The following CACNB2 variants were observed in gnomAD, a reference collection of about 807,000 sequenced individuals.
CACNB2 encodes the protein calcium voltage-gated channel auxiliary subunit beta 2, also known as voltage-dependent L-type calcium channel subunit beta-2.
In CACNB2, 42 loss-of-function variants were observed where a neutral mutation model predicts 73.3. The ratio of observed to expected loss-of-function variants is 0.57; its 90% CI spans 0.45 to 0.74. The LOEUF (loss-of-function observed/expected upper bound fraction) is 0.74. Ranked by LOEUF, CACNB2 falls within the 30% of genes least tolerant of loss-of-function variation. The pLI, the probability that CACNB2 is intolerant of heterozygous loss-of-function variation, is 0.00. For synonymous variants in CACNB2, 348 were observed against 310.3 expected (o/e 1.12, Z -1.28); for missense variants, 940 against 853.0 (o/e 1.10, Z -1.27).
rs779066586 is a variant in CACNB2 at position 18,140,756 on chromosome 10, C to A, written c.20C>A (p.Ser7Tyr). The A allele has an allele frequency of 1.9e-6, 3 of 1,595,038 alleles. No homozygotes were observed. The highest frequency in any genetic ancestry group is 2.6e-6 in the Non-Finnish European group (3 of 1,172,466). Residue 7 changes from serine to tyrosine, a missense_variant, in exon 1 of 14, where the codon TCC becomes TAC. Physicochemically the swap from Ser to Tyr is moderately radical, Grantham distance 144 (BLOSUM62 -2). Coordinates refer to ENST00000324631, the MANE Select transcript of CACNB2 (RefSeq NM_201596.3). MVQRDM[S>Y]KSPPTAAAAV... is the part of the protein sequence containing the mutation. ...TCGCCAATGGTCCAAAGGGACATGTCCAAGTCGCCTCCCACAGCGGCGGCG... is the reference window on the plus strand; with the variant it reads ...TCGCCAATGGTCCAAAGGGACATGTACAAGTCGCCTCCCACAGCGGCGGCG...
At chr10:18,495,559 G>T (rs1589541776) in intron 3 of CACNB2, among the ~76,000 whole-genome samples, 1 of 90,878 alleles carries the variant, frequency 1.1e-5, no homozygotes, top group African/African-American at 4.6e-5. Flanking sequence ...GTGTGTGTGT[G>T]TGTGTGTGTG....
chr10:18,501,886 G>A (rs941196029), intron 5 of CACNB2, among the ~76,000 whole-genome samples: 2 of 152,136 alleles, frequency 1.3e-5, no homozygotes, highest in African/African-American at 4.8e-5. Flanking sequence ...AGTTCATTTA[G>A]TTCAGACGGA....
At chr10:18,483,951 C>T (rs1024743571) in intron 3 of CACNB2, among the ~76,000 whole-genome samples, 8 of 152,142 alleles carry the variant, frequency 5.3e-5, no homozygotes, top group Admixed American at 1.3e-4. Flanking sequence ...GTGACAAAAG[C>T]GAAAACAACT....
At chr10:18,291,089 C>A (rs1218717747) in intron 2 of CACNB2, among the ~76,000 whole-genome samples, 1 of 152,208 alleles carries the variant, frequency 6.6e-6, no homozygotes, top group Non-Finnish European at 1.5e-5. Context: ...GCTTCTGGAA[C>A]TGCAGGGAGA....
At chr10:18,344,431 A>G (rs1381989635) in intron 2 of CACNB2, among the ~76,000 whole-genome samples, 11 of 151,492 alleles carry the variant, frequency 7.3e-5, no homozygotes. Context: ...GGGCAGTGAC[A>G]TGATCTTGGC....
chr10:18,442,574 C>A (rs1564552468), intron 3 of CACNB2, among the ~76,000 whole-genome samples: 1 of 151,608 alleles, frequency 6.6e-6, no homozygotes. Context: ...CGCCTGTAAT[C>A]CCAGCACTTT....
At chr10:18,390,362 G>C (rs1218017333) in intron 2 of CACNB2, among the ~76,000 whole-genome samples, 1 of 152,096 alleles carries the variant, frequency 6.6e-6, no homozygotes, top group Non-Finnish European at 1.5e-5. Flanking sequence ...ACAGGCACCC[G>C]CCACCATGCC....
At chr10:18,437,425 C>G (rs1469641341) in intron 3 of CACNB2, among the ~76,000 whole-genome samples, 1 of 152,148 alleles carries the variant, frequency 6.6e-6, no homozygotes, top group African/African-American at 2.4e-5. Context: ...ATCGTTGACC[C>G]AAAGCTTTAC....
In CACNB2 at chr10:18,334,036, C is replaced by T. The variant is rs905845295; in HGVS notation, c.214-67888C>T. 3.9e-5 allele frequency among the ~76,000 whole-genome samples: 6 copies of T among 152,110 alleles called. No homozygotes were observed. The South Asian group carries it at 8.3e-4, about 21-fold the overall frequency. On this transcript the variant is annotated intron_variant, in intron 2 of 13. Coordinates refer to ENST00000324631, the MANE Select transcript of CACNB2 (RefSeq NM_201596.3). The stretch of plus-strand genomic sequence containing the variant: ...TCTCCTCTCTGCTTTCTGTTTATGT[C>T]GACAGATAATAGCAATGCAGACTAC...
Position 18,144,326 on chromosome 10 carries a change from C to T in CACNB2, c.120+3470C>T, listed in dbSNP as rs368278580. On this transcript the variant is annotated intron_variant, in intron 1 of 13. Transcript: ENST00000324631. ...AACTCCTGACCTCAGGTGATCTGCCCGCCTTGGCCTCCCAAAGTGCTGGGA... is the reference window on the plus strand; with the variant it reads ...AACTCCTGACCTCAGGTGATCTGCCTGCCTTGGCCTCCCAAAGTGCTGGGA... Among the ~76,000 whole-genome samples the T allele has an allele frequency of 9.4e-4, 143 of 152,302 alleles. No homozygotes were observed. In the South Asian group the frequency reaches 0.013, roughly 14 times the overall value.
chr10:18,371,429 T>G (rs926994081), intron 2 of CACNB2, among the ~76,000 whole-genome samples: 3 of 152,172 alleles, frequency 2.0e-5, no homozygotes, highest in Non-Finnish European at 2.9e-5. Context: ...CATTGTTCAA[T>G]TCCCACCTAT....
At chr10:18,501,604 G>T (rs1431231074) in intron 5 of CACNB2, among the ~76,000 whole-genome samples, 1 of 152,234 alleles carries the variant, frequency 6.6e-6, no homozygotes, top group Non-Finnish European at 1.5e-5. Context: ...ATTTTCCATG[G>T]AATCGTATGC....
chr10:18,284,307 A>T (rs750630822), intron 2 of CACNB2, among the ~76,000 whole-genome samples: 7 of 152,166 alleles, frequency 4.6e-5, no homozygotes, highest in Non-Finnish European at 1.0e-4. Flanking sequence ...ACCCACCCCC[A>T]TGATTCAATT....
intron 2 of CACNB2, among the ~76,000 whole-genome samples, chr10:18,159,432 A>G (rs535244276): frequency 6.6e-6 from 1 of 152,320 alleles, no homozygotes; most frequent in Non-Finnish European, 1.5e-5. Flanking sequence ...GCAACTGATC[A>G]GGGATTTTGC....
intron 2 of CACNB2, among the ~76,000 whole-genome samples, chr10:18,307,235 G>A (rs889944881): frequency 3.3e-5 from 5 of 152,140 alleles, no homozygotes; most frequent in East Asian, 1.9e-4. Context: ...AGGCCATGGC[G>A]GGCAGATCAC....
intron 3 of CACNB2, among the ~76,000 whole-genome samples, chr10:18,413,181 AGGCT>A (rs1241669594): frequency 1.3e-5 from 2 of 152,198 alleles, no homozygotes; most frequent in East Asian, 3.8e-4. Context: ...CCTGTTGACC[AGGCT>A]GGTCTCGAAC....
intron 2 of CACNB2, among the ~76,000 whole-genome samples, chr10:18,162,880 A>G (rs1028633467): frequency 1.3e-5 from 2 of 152,208 alleles, no homozygotes; most frequent in Non-Finnish European, 2.9e-5. Context: ...TGATCGCAAC[A>G]TTGATGTAAA....
At chr10:18,473,186 T>G (rs1199314648) in intron 3 of CACNB2, among the ~76,000 whole-genome samples, 2 of 152,220 alleles carry the variant, frequency 1.3e-5, no homozygotes, top group Admixed American at 6.6e-5. Context: ...GTGAAATACT[T>G]TTCAGGTGGG....
intron 10 of CACNB2, among the ~76,000 whole-genome samples, chr10:18,532,435 A>G (rs1160761789): frequency 2.0e-5 from 3 of 152,148 alleles, no homozygotes; most frequent in African/African-American, 7.2e-5. Flanking sequence ...GCACTTTGGG[A>G]GGCTAAGGCG....
Sources: allele counts gnomAD v4.1 joint callset (sites outside exome capture counted in the v4.1 genomes callset), GRCh38; gene constraint gnomAD v4.1.1; transcripts MANE v1.5; gene names NCBI Gene and HGNC (gene_info 2026-07-23, HGNC 2026-07-21).